The following QTMAN variants were observed in gnomAD, a reference collection of about 807,000 sequenced individuals.
The protein encoded by QTMAN is tRNA-queuosine alpha-mannosyltransferase.
chr2:143,985,943 C>A, the QTMAN span, among the ~76,000 whole-genome samples: 2 of 152,084 alleles, frequency 1.3e-5, no homozygotes, highest in Non-Finnish European at 2.9e-5. Context: ...ACAATTTTAA[C>A]CATTTAAATT....
chr2:143,954,241 T>C, the QTMAN span, among the ~76,000 whole-genome samples: 1 of 152,044 alleles, frequency 6.6e-6, no homozygotes, highest in East Asian at 1.9e-4. Context: ...AAAGAAAATA[T>C]GCACTTTATC....
At chr2:143,995,643 A>T in the QTMAN span, among the ~76,000 whole-genome samples, 1 of 152,216 alleles carries the variant, frequency 6.6e-6, no homozygotes, top group Admixed American at 6.5e-5. Flanking sequence ...AGAGACTCAG[A>T]ACCTACTATG....
At chr2:144,171,188 A>G in the QTMAN span, among the ~76,000 whole-genome samples, 43 of 152,206 alleles carry the variant, frequency 2.8e-4, no homozygotes, top group Admixed American at 9.8e-4. Context: ...AGTAAATGCT[A>G]TGTAACTATA....
At chr2:143,951,189 G>A in the QTMAN span, among the ~76,000 whole-genome samples, 1 of 151,438 alleles carries the variant, frequency 6.6e-6, no homozygotes. Flanking sequence ...AACTATACTG[G>A]AGTTATGTAA....
chr2:144,062,924 C>T, the QTMAN span, among the ~76,000 whole-genome samples: 6 of 152,204 alleles, frequency 3.9e-5, no homozygotes, highest in African/African-American at 1.4e-4. Flanking sequence ...TTCCTGTACC[C>T]TCCCCTTCAA....
chr2:143,958,638 T>C, the QTMAN span, among the ~76,000 whole-genome samples: 6 of 152,054 alleles, frequency 3.9e-5, no homozygotes, highest in Non-Finnish European at 8.8e-5. Context: ...ACTGTCACTT[T>C]CAGTAAATGC....
the QTMAN span, among the ~76,000 whole-genome samples, chr2:144,265,441 T>G: frequency 6.6e-6 from 1 of 152,186 alleles, no homozygotes; most frequent in Admixed American, 6.5e-5. Context: ...CTCACACCTG[T>G]AATCCCAGCA....
the QTMAN span, chr2:144,011,640 T>TA: frequency 0.057 from 49,339 of 873,206 alleles, 44 homozygotes; most frequent in Non-Finnish European, 0.06. Context: ...TCTATGCTAG[T>TA]AAAAAAAAAA....
the QTMAN span, among the ~76,000 whole-genome samples, chr2:144,026,796 A>G: frequency 1.2e-3 from 186 of 152,312 alleles, no homozygotes; most frequent in Non-Finnish European, 2.4e-3. Flanking sequence ...AGGCAAGAAT[A>G]TGTACTCAAA....
At chr2:143,982,778 C>T in the QTMAN span, among the ~76,000 whole-genome samples, 3 of 147,640 alleles carry the variant, frequency 2.0e-5, no homozygotes, top group Non-Finnish European at 3.0e-5. Flanking sequence ...GGAGAACCTC[C>T]GTGTGGTGGA....
the QTMAN span, among the ~76,000 whole-genome samples, chr2:144,161,025 A>G: frequency 2.0e-5 from 3 of 152,146 alleles, no homozygotes; most frequent in African/African-American, 7.2e-5. Context: ...TATGTTAGTC[A>G]GTCATAAGAG....
the QTMAN span, among the ~76,000 whole-genome samples, chr2:144,204,321 A>C: frequency 6.6e-6 from 1 of 152,204 alleles, no homozygotes; most frequent in Non-Finnish European, 1.5e-5. Context: ...CCCCATCAAC[A>C]AGTAGGCGAA....
chr2:143,981,106 T>C, the QTMAN span, among the ~76,000 whole-genome samples: 2 of 152,222 alleles, frequency 1.3e-5, no homozygotes, highest in Admixed American at 1.3e-4. Context: ...ATTCATATAC[T>C]ACTGATGATT....
At chr2:143,996,947 G>C in the QTMAN span, among the ~76,000 whole-genome samples, 1 of 152,134 alleles carries the variant, frequency 6.6e-6, no homozygotes, top group East Asian at 1.9e-4. Flanking sequence ...GGTGGAGGGA[G>C]GAAAATTTTA....
the QTMAN span, chr2:144,141,987 T>C: frequency 6.2e-7 from 1 of 1,610,882 alleles, no homozygotes; most frequent in Admixed American, 1.7e-5. Context: ...CTTCATAAAT[T>C]TTCCCATGGA....
chr2:144,062,119 T>C, the QTMAN span, among the ~76,000 whole-genome samples: 2 of 152,180 alleles, frequency 1.3e-5, no homozygotes, highest in South Asian at 2.1e-4. Flanking sequence ...TCACACTGAC[T>C]CTTCACTAGC....
chr2:144,226,751 T>G, the QTMAN span, among the ~76,000 whole-genome samples: 1 of 152,112 alleles, frequency 6.6e-6, no homozygotes, highest in Admixed American at 6.5e-5. Context: ...ATAGGGGATG[T>G]TGTATGGGAG....
the QTMAN span, among the ~76,000 whole-genome samples, chr2:144,098,486 G>A: frequency 3.3e-5 from 5 of 152,020 alleles, no homozygotes; most frequent in African/African-American, 4.8e-5. Flanking sequence ...AGGCCGAGGC[G>A]GGCAGATTGT....
At chr2:143,962,063 T>A in the QTMAN span, among the ~76,000 whole-genome samples, 5 of 152,024 alleles carry the variant, frequency 3.3e-5, no homozygotes, top group African/African-American at 1.2e-4. Flanking sequence ...AGACTCCTCT[T>A]CTGTGGGGCT....
Sources: gnomAD v4.1 joint callset for allele counts (sites outside exome capture counted in the v4.1 genomes callset) on GRCh38, gnomAD v4.1.1 for gene constraint, MANE v1.5 for transcripts, NCBI Gene and HGNC (gene_info 2026-07-23, HGNC 2026-07-21) for gene names.